METTL25: variants seen among roughly 807,000 people sequenced by gnomAD.
METTL25 encodes probable methyltransferase-like protein 25.
Under a neutral mutation model 71.6 loss-of-function variants are expected in METTL25, and 64 were observed. The ratio of observed to expected loss-of-function variants is 0.89; its 90% CI spans 0.73 to 1.10. METTL25 has a LOEUF of 1.10. Among genes scored for constraint, METTL25 ranks in the 50% least tolerant of loss-of-function variants. METTL25 has a pLI of 0.00. For missense variants in METTL25, 807 were observed against 707.0 expected (o/e 1.14, Z -1.60); for synonymous variants, 287 against 250.3 (o/e 1.15, Z -1.38).
chr12:82,359,722 T>G (rs1443062804), intron 1 of METTL25, among the ~76,000 whole-genome samples: 5 of 152,190 alleles, frequency 3.3e-5, no homozygotes, highest in Non-Finnish European at 5.9e-5. Flanking sequence ...CCTCAAGAAA[T>G]GTAGATTCTT....
At chr12:82,428,759 C>T (rs1889243503) in intron 5 of METTL25, among the ~76,000 whole-genome samples, 1 of 105,104 alleles carries the variant, frequency 9.5e-6, no homozygotes, top group Non-Finnish European at 2.0e-5. Flanking sequence ...TTGACTTAAC[C>T]TGTCTGTCTG....
intron 7 of METTL25, among the ~76,000 whole-genome samples, chr12:82,435,450 A>G (rs573434111): frequency 3.3e-5 from 5 of 151,612 alleles, no homozygotes; most frequent in South Asian, 4.1e-4. Flanking sequence ...AGCATTTTGT[A>G]TGTAATTATC....
intron 3 of METTL25, 62 bp from the exon 4 acceptor site, chr12:82,398,733 A>T: frequency 8.7e-7 from 1 of 1,153,270 alleles, no homozygotes; most frequent in Non-Finnish European, 1.2e-6. Flanking sequence ...CAAAAAATCT[A>T]GAATGCTTTC....
chr12:82,451,874 C>A (rs1891167225), intron 8 of METTL25, among the ~76,000 whole-genome samples: 1 of 152,012 alleles, frequency 6.6e-6, no homozygotes, highest in Non-Finnish European at 1.5e-5. Flanking sequence ...TTAATATTTT[C>A]TTTTAACTAC....
chr12:82,451,048 T>G (rs1369887373), intron 8 of METTL25, among the ~76,000 whole-genome samples: 1 of 152,120 alleles, frequency 6.6e-6, no homozygotes, highest in Non-Finnish European at 1.5e-5. Context: ...TTTGTTTCCT[T>G]TCGTTCACCA....
At position 82,401,632 on chromosome 12, in the gene METTL25, T is replaced by C. The variant is rs1886628347; in HGVS notation, c.1132-1351T>C. 3.3e-5 allele frequency among the ~76,000 whole-genome samples: 5 copies of C among 152,054 alleles called. No homozygotes were observed. In the South Asian group the frequency reaches 1.0e-3, roughly 32 times the overall value. ...ATTAGTTCATTAATAACTATTTCTT[T>C]AACATCTCTTAAGTAAACACATGTA... On this transcript the variant is annotated intron_variant, in intron 4 of 11. Coordinates refer to ENST00000248306, the MANE Select transcript of METTL25 (RefSeq NM_032230.3).
chr12:82,441,016 A>C (rs946861928), intron 8 of METTL25, among the ~76,000 whole-genome samples: 2 of 152,066 alleles, frequency 1.3e-5, no homozygotes, highest in East Asian at 1.9e-4. Flanking sequence ...ATAGAAAGAC[A>C]GTTCTAGTGA....
intron 3 of METTL25, among the ~76,000 whole-genome samples, chr12:82,393,213 T>C (rs143791767): frequency 8.5e-4 from 130 of 152,214 alleles, no homozygotes; most frequent in Non-Finnish European, 1.6e-3. Flanking sequence ...CTAGATTTCT[T>C]TGGGTAATAT....
chr12:82,421,562 A>C (rs1888495773), intron 5 of METTL25, among the ~76,000 whole-genome samples: 1 of 152,168 alleles, frequency 6.6e-6, no homozygotes, highest in South Asian at 2.1e-4. Context: ...GGCAAGAAAT[A>C]ACTAAGATCA....
intron 4 of METTL25, among the ~76,000 whole-genome samples, chr12:82,401,302 T>G (rs1027210551): frequency 6.6e-6 from 1 of 152,092 alleles, no homozygotes; most frequent in Non-Finnish European, 1.5e-5. Flanking sequence ...AAAAATGTGT[T>G]TGAGAAACAA....
intron 2 of METTL25, among the ~76,000 whole-genome samples, chr12:82,387,268 A>G (rs181655913): frequency 6.6e-6 from 1 of 152,130 alleles, no homozygotes; most frequent in Non-Finnish European, 1.5e-5. Flanking sequence ...TCCAAAATCT[A>G]CATTATTTTT....
intron 1 of METTL25, among the ~76,000 whole-genome samples, chr12:82,371,571 C>T (rs1883235305): frequency 6.6e-6 from 1 of 152,196 alleles, no homozygotes; most frequent in African/African-American, 2.4e-5. Context: ...TGTCTAATCT[C>T]GTTTTTCCTT....
At chr12:82,456,397 G>T (rs918602392) in intron 8 of METTL25, among the ~76,000 whole-genome samples, 2 of 151,838 alleles carry the variant, frequency 1.3e-5, no homozygotes, top group Admixed American at 6.6e-5. Flanking sequence ...GTAATATTGA[G>T]CCAGTAAATC....
At position 82,479,133 on chromosome 12, in the gene METTL25, T is replaced by G; in HGVS notation, c.*109T>G. ...TACAAAAATTTTTAAATGACTGTTA[T>G]GTATTTTAAATAATAAAATAATGGC... On this transcript the variant is annotated 3_prime_UTR_variant, in exon 12 of 12. Transcript: ENST00000248306. The G allele has an allele frequency of 2.7e-6, 2 of 729,152 alleles. No individual in the cohort carries two copies. The highest frequency in any genetic ancestry group is 1.9e-5 in the South Asian group (1 of 53,002). 45.2% of individuals were successfully genotyped at this position (729,152 alleles called of 1,614,324 possible). A position where few individuals can be genotyped will look rare whatever the true frequency, so the allele number is the denominator to read the frequency against.
chr12:82,398,964 A>AT lies in METTL25; in HGVS notation c.702dup (p.Val235CysfsTer17). 1.5e-5 allele frequency: 24 copies of AT among 1,610,232 alleles called. No homozygotes were observed. The highest frequency in any genetic ancestry group is 2.0e-5 in the Non-Finnish European group (24 of 1,178,384). Reference sequence around the variant, plus strand: ...CTCTGTCATGCTCAGTCAAGATTAGATGTCAATGGACTAGCATTAAAAATG... The same window carrying AT: ...CTCTGTCATGCTCAGTCAAGATTAGATTGTCAATGGACTAGCATTAAAAATG... On this transcript the variant is annotated frameshift_variant, in exon 4 of 12. Coordinates refer to ENST00000248306, the MANE Select transcript of METTL25 (RefSeq NM_032230.3). LOFTEE classifies it high-confidence loss of function.
Position 82,399,170 on chromosome 12 carries a change from G to C in METTL25, c.907G>C (p.Glu303Gln). The change falls in exon 4 of 12, where the codon GAA (glutamate) becomes CAA (glutamine). Residue 303 changes from glutamate to glutamine, a missense_variant. Coordinates refer to ENST00000248306, the MANE Select transcript of METTL25 (RefSeq NM_032230.3). The part of the protein sequence containing the change: ...METLHSQPHQ[E>Q]ENLCFENSFS... ...AACCCTTCATTCTCAGCCACATCAA[G>C]AAGAAAATTTGTGTTTTGAAAATTC... The C allele has an allele frequency of 6.2e-7, 1 of 1,613,338 alleles. No individual in the cohort carries two copies. The highest frequency in any genetic ancestry group is 8.5e-7 in the Non-Finnish European group (1 of 1,179,752).
At chr12:82,408,630 G>A (rs547074406) in intron 5 of METTL25, among the ~76,000 whole-genome samples, 2 of 151,856 alleles carry the variant, frequency 1.3e-5, no homozygotes, top group South Asian at 4.2e-4. Flanking sequence ...GTGTGTGAAG[G>A]CAGACAGTGG....
Position 82,398,819 on chromosome 12 carries a change from G to T in METTL25, c.556G>T (p.Gly186Cys). 6.4e-7 allele frequency: 1 copy of T among 1,556,780 alleles called. No homozygotes were observed. Among genetic ancestry groups the T allele is most frequent in the Non-Finnish European group, 8.6e-7 (1 of 1,161,062 alleles). The change falls in exon 4 of 12, where the codon GGC becomes TGC. Residue 186 changes from glycine to cysteine, a missense_variant. Transcript: ENST00000248306. The stretch of plus-strand genomic sequence containing the variant: ...GGTGATTGACTTGGGTTCCGGTAAA[G>T]GCTACCTAAGCTCTTTTTTGTCCTT... ...KQVIDLGSGKGYLSSFLSLKY... is the reference protein window; with the variant it reads ...KQVIDLGSGKCYLSSFLSLKY...
intron 5 of METTL25, 65 bp downstream of exon 5, chr12:82,403,195 T>G: frequency 1.4e-6 from 2 of 1,470,772 alleles, no homozygotes; most frequent in Non-Finnish European, 9.2e-7. Flanking sequence ...CTATTTCTAT[T>G]TTCTATTTCT....
Sources: allele counts gnomAD v4.1 joint callset (sites outside exome capture counted in the v4.1 genomes callset), GRCh38; gene constraint gnomAD v4.1.1; transcripts MANE v1.5; gene names NCBI Gene and HGNC (gene_info 2026-07-23, HGNC 2026-07-21).